The following CNOT1 variants were observed in gnomAD, a reference collection of about 807,000 sequenced individuals.
CNOT1 encodes the protein CCR4-associated factor 1.
In CNOT1, 15 loss-of-function variants were observed where a neutral mutation model predicts 273.8. The ratio of observed to expected loss-of-function variants is 0.05; its 90% confidence interval spans 0.04 to 0.08. The LOEUF is 0.08. CNOT1 is among the 10% of genes least tolerant of loss of function. The pLI is 1.00. For missense variants in CNOT1, 1,644 were observed against 2,912.2 expected, an observed-to-expected ratio of 0.56 and a Z score of 10.02; for synonymous variants, 1,022 against 1,005.5, an observed-to-expected ratio of 1.02 and a Z score of -0.31.
intron 33 of CNOT1, 75 bp from the exon 34 acceptor site, chr16:58,541,695 GC>G: frequency 6.9e-7 from 1 of 1,456,016 alleles, no homozygotes; most frequent in South Asian, 1.2e-5. Flanking sequence ...TGGAAAGTCT[GC>G]ATGTGGGTAA....
At chr16:58,561,892 G>C (rs1025438451) in intron 16 of CNOT1, among the ~76,000 whole-genome samples, 1 of 152,014 alleles carries the variant, frequency 6.6e-6, no homozygotes, top group Admixed American at 6.6e-5. Context: ...AGCTCTACTC[G>C]GGCCGGGTGC....
chr16:58,558,788 C>A, intron 17 of CNOT1, 114 bp from the exon 18 acceptor site: 1 of 1,361,918 alleles, frequency 7.3e-7, no homozygotes, highest in South Asian at 1.4e-5. Flanking sequence ...CTATTACACC[C>A]ACTCAATCAC....
intron 2 of CNOT1, chr16:58,597,621 C>T: frequency 2.4e-6 from 1 of 415,104 alleles, no homozygotes; most frequent in East Asian, 6.5e-5. Flanking sequence ...GATCTGTAAG[C>T]AATCAACATG....
In CNOT1 at chr16:58,543,230, G is replaced by A; in HGVS notation, c.4434+377C>T. 3.3e-6 allele frequency: 5 copies of A among 1,534,588 alleles called. No individual in the cohort carries two copies. In the South Asian group the frequency reaches 3.6e-5, roughly 11 times the overall value. ...AGTAAGTGAATTATTTGAAAAGTGT[G>A]TGCACATGCAACATCACTTTAAGTC... On this transcript the variant is annotated intron_variant, in intron 31 of 48. Transcript: ENST00000317147.
At chr16:58,588,989 T>C in intron 2 of CNOT1, 83 bp from the exon 3 acceptor site, 1 of 1,466,382 alleles carries the variant, frequency 6.8e-7, no homozygotes. Flanking sequence ...AAAATCAACC[T>C]CCAAGGCAAA....
intron 1 of CNOT1, among the ~76,000 whole-genome samples, chr16:58,619,797 A>C (rs1262823357): frequency 2.0e-5 from 3 of 152,174 alleles, no homozygotes; most frequent in African/African-American, 7.2e-5. Flanking sequence ...ACTGCTGGGA[A>C]AAAAACCTTA....
chr16:58,538,637 C>G, intron 36 of CNOT1, 135 bp downstream of exon 36: 1 of 1,321,316 alleles, frequency 7.6e-7, no homozygotes, highest in Non-Finnish European at 1.0e-6. Context: ...CAATTCTCAC[C>G]TCTCAGAAGT....
At chr16:58,596,968 C>T (rs898860203) in intron 2 of CNOT1, among the ~76,000 whole-genome samples, 13 of 146,014 alleles carry the variant, frequency 8.9e-5, no homozygotes, top group African/African-American at 3.1e-4. Context: ...AGGGTCCTGA[C>T]AGTCAAGGAC....
rs538372498 is a variant in CNOT1, at chr16:58,581,369, T to C, written c.1191A>G (p.Arg397=). 1 of 1,611,164 alleles carries C rather than the reference T, an allele frequency of 6.2e-7. No homozygotes were observed. Among genetic ancestry groups the C allele is most frequent in the African/African-American group, 1.3e-5 (1 of 74,910 alleles). ...CCTGGCCTTCAGCATGTTTCCAAGG[T>C]CTATATATGAGGTCTACTGGGAACA... is the stretch of plus-strand genomic sequence containing the variant. ...MEVFPVDLIY[R]PWKHAEGQLS... Residue 397 remains arginine (R), a synonymous_variant, in exon 11 of 49, where the codon AGA becomes AGG. Transcript: ENST00000317147.
Position 58,578,728 on chromosome 16 carries a change from T to G in CNOT1, c.1555A>C (p.Ile519Leu), listed in dbSNP as rs773355014. The G allele has an allele frequency of 6.2e-7, 1 of 1,614,116 alleles. No individual in the cohort carries two copies. Among genetic ancestry groups the G allele is most frequent in the Non-Finnish European group, 8.5e-7 (1 of 1,180,004 alleles). Residue 519 changes from isoleucine to leucine, a missense_variant, in exon 13 of 49, where the codon ATT becomes CTT. Physicochemically the swap from Ile to Leu is conservative, Grantham distance 5. This residue lies in a region of CNOT1 where 706 missense variants were observed against 1,021.2 expected (regional missense o/e 0.69). Coordinates refer to ENST00000317147, the MANE Select transcript of CNOT1 (RefSeq NM_016284.5). Reference protein sequence around the residue: ...IFLGNHPNSAIILHYAWHGQG... With the variant: ...IFLGNHPNSALILHYAWHGQG... ...CCATGCCATGCATAGTGCAAAATAA[T>G]AGCTGAGTTAGGATGGTTTCCAAGG...
chr16:58,598,736 T>C (rs2042356456), intron 2 of CNOT1, among the ~76,000 whole-genome samples: 1 of 151,858 alleles, frequency 6.6e-6, no homozygotes, highest in Admixed American at 6.6e-5. Context: ...ATAATTTCTA[T>C]GGAAAATAAA....
rs185587345 is a variant in CNOT1, at chr16:58,617,950, G to A, written c.-175+11778C>T. 2.4e-3 allele frequency among the ~76,000 whole-genome samples: 367 copies of A among 152,236 alleles called. 6 individuals are homozygous for A. The highest frequency in any genetic ancestry group is 7.1e-4 in the Non-Finnish European group (48 of 68,024). On this transcript the variant is annotated intron_variant, in intron 1 of 48. Coordinates refer to ENST00000317147, the MANE Select transcript of CNOT1 (RefSeq NM_016284.5). ...GAGCCCAGGAGTCTGTGATTTTAAC[G>A]AGCTATCACAGCACTACTGCACTAG...
chr16:58,539,386 G>A (rs1251974738), intron 35 of CNOT1, among the ~76,000 whole-genome samples: 3 of 151,804 alleles, frequency 2.0e-5, no homozygotes, highest in South Asian at 2.1e-4. Flanking sequence ...CCAGCTACTC[G>A]AGAAGGTGAT....
In CNOT1 at chr16:58,544,447, T is replaced by TA. The variant is rs34338861; in HGVS notation, c.4138-545dup. Among the ~76,000 whole-genome samples the TA allele has an allele frequency of 4.4e-3, 649 of 147,796 alleles. 1 individual carries two copies. Among genetic ancestry groups the TA allele is most frequent in the African/African-American group, 9.6e-3 (388 of 40,410 alleles). On this transcript the variant is annotated intron_variant, in intron 30 of 48. Transcript: ENST00000317147. ...ACTTGGTCCCTTTAACTTGTTGAAT[T>TA]AAAAAAAAAAAAAATTAAACTAGCA... is the stretch of plus-strand genomic sequence containing the variant.
intron 21 of CNOT1, among the ~76,000 whole-genome samples, chr16:58,555,024 A>G (rs1261057696): frequency 6.6e-6 from 1 of 151,002 alleles, no homozygotes; most frequent in Non-Finnish European, 1.5e-5. Flanking sequence ...GGAGTTTGAG[A>G]CCATGGTGAA....
intron 16 of CNOT1, among the ~76,000 whole-genome samples, chr16:58,566,878 C>A (rs2041061530): frequency 6.6e-6 from 1 of 152,106 alleles, no homozygotes; most frequent in Non-Finnish European, 1.5e-5. Context: ...AGGTGACCCA[C>A]CCTCGGCCTC....
rs1379485169 is a variant in CNOT1, at chr16:58,547,558, A to G, written c.3639+8T>C. On this transcript the variant is annotated splice_region_variant and intron_variant, in intron 26 of 48. Transcript: ENST00000317147. This position sits in a 1 kb window ranked among gnomAD's most constrained non-coding sequence, Gnocchi z 4.0. ...TTCTCAATTTTTACACATTTAGATG[A>G]AACTCACAGTGTGTAAGATGGGTTT... is the stretch of plus-strand genomic sequence containing the variant. 11 of 1,602,330 alleles carry G rather than the reference A, an allele frequency of 6.9e-6. No individual in the cohort carries two copies. Among genetic ancestry groups the G allele is most frequent in the South Asian group, 2.2e-5 (2 of 88,986 alleles).
chr16:58,604,479 C>T (rs180833651), intron 1 of CNOT1, among the ~76,000 whole-genome samples: 9 of 151,854 alleles, frequency 5.9e-5, no homozygotes, highest in African/African-American at 2.2e-4. Context: ...CAGGCCAAAA[C>T]CTTAAAAAAA....
chr16:58,526,177 T>C, intron 44 of CNOT1, 39 bp from the exon 45 acceptor site: 7 of 1,609,370 alleles, frequency 4.3e-6, no homozygotes, highest in Non-Finnish European at 6.0e-6. Flanking sequence ...AGCAGAATCA[T>C]TTTTATTAGT....
Sources: allele counts gnomAD v4.1 joint callset (sites outside exome capture counted in the v4.1 genomes callset), GRCh38; gene constraint gnomAD v4.1.1; regional missense constraint gnomAD v4.1.1; non-coding constraint Gnocchi (gnomAD v3.1); transcripts MANE v1.5; gene names NCBI Gene and HGNC (gene_info 2026-07-23, HGNC 2026-07-21).